Variants in KCNN3 observed in about 807,000 individuals in gnomAD.
The protein encoded by KCNN3 is potassium calcium-activated channel subfamily N member 3, also known as small conductance calcium-activated potassium channel protein 3.
A neutral mutation model predicts 62.9 loss-of-function variants in KCNN3; 16 were observed. That is an observed-to-expected ratio of 0.25 (90% CI 0.17 to 0.39). The LOEUF (loss-of-function observed/expected upper bound fraction) is 0.39, where lower values mean the gene tolerates loss of function less well. Among genes scored for constraint, KCNN3 ranks in the 10% least tolerant of loss-of-function variants. KCNN3 has a pLI of 1.00. For missense variants in KCNN3, 599 were observed against 949.4 expected, an observed-to-expected ratio of 0.63 and a Z score of 4.85; for synonymous variants, 370 against 389.2, an observed-to-expected ratio of 0.95 and a Z score of 0.58.
intron 1 of KCNN3, among the ~76,000 whole-genome samples, chr1:154,851,762 G>A (rs6682335): frequency 0.71 from 107,501 of 152,108 alleles, 39,547 homozygotes; most frequent in East Asian, 0.99. Flanking sequence ...CAGCCTCTCA[G>A]CGGGGCTCCC....
At chr1:154,737,813 C>T (rs1182216737) in intron 3 of KCNN3, among the ~76,000 whole-genome samples, 2 of 152,148 alleles carry the variant, frequency 1.3e-5, no homozygotes, top group Non-Finnish European at 2.9e-5. Context: ...CCCCCAGCTG[C>T]TCGGAGGCTG....
chr1:154,771,824 C>T, intron 3 of KCNN3, 151 bp downstream of exon 3: 1 of 804,554 alleles, frequency 1.2e-6, no homozygotes, highest in Middle Eastern at 2.2e-4. Context: ...AACCCCAACT[C>T]AGCACTCCCC....
chr1:154,728,485 T>A (rs1454480835), intron 4 of KCNN3, among the ~76,000 whole-genome samples: 1 of 152,014 alleles, frequency 6.6e-6, no homozygotes, highest in Non-Finnish European at 1.5e-5. Context: ...GGCAACCTAA[T>A]AAAGATGGGG....
At chr1:154,826,274 C>G (rs184560036) in intron 1 of KCNN3, among the ~76,000 whole-genome samples, 1 of 152,268 alleles carries the variant, frequency 6.6e-6, no homozygotes, top group Non-Finnish European at 1.5e-5. Context: ...AGAGCTGCCT[C>G]CATCCATGTG....
chr1:154,792,745 G>A (rs1649570958), intron 2 of KCNN3, among the ~76,000 whole-genome samples: 1 of 152,204 alleles, frequency 6.6e-6, no homozygotes, highest in Admixed American at 6.5e-5. Flanking sequence ...ACCTATTCAT[G>A]TGGGAGAGAA....
chr1:154,769,756 C>T (rs1353229684), intron 3 of KCNN3, among the ~76,000 whole-genome samples: 1 of 152,200 alleles, frequency 6.6e-6, no homozygotes, highest in Admixed American at 6.5e-5. Flanking sequence ...GACAACATGG[C>T]TTCCATCATT....
Position 154,869,067 on chromosome 1 carries a change from T to C in KCNN3, c.898A>G (p.Ile300Val). 6.2e-7 allele frequency: 1 copy of C among 1,614,126 alleles called. No homozygotes were observed. The highest frequency in any genetic ancestry group is 1.1e-5 in the South Asian group (1 of 91,076). The change falls in exon 1 of 8, where the codon ATA (isoleucine) becomes GTA (valine). Residue 300 changes from isoleucine to valine, a missense_variant. Around this residue, in one of 7 missense-constraint regions of KCNN3, gnomAD observed 288 missense variants for 557.4 expected, o/e 0.52. Transcript: ENST00000271915. This position sits in a 1 kb window ranked among gnomAD's most constrained non-coding sequence, Gnocchi z 6.1. ...FGMFGIVVMV[I>V]ETELSWGLYS... ...AAACCCCAAGAGAGCTCGGTCTCTA[T>C]CACCATAACAACAATTCCAAACATC...
chr1:154,818,134 A>G (rs1372771242), intron 2 of KCNN3, among the ~76,000 whole-genome samples: 4 of 152,204 alleles, frequency 2.6e-5, no homozygotes, highest in Non-Finnish European at 5.9e-5. Context: ...TCCCGGACAC[A>G]CTGGCCTGAG....
chr1:154,829,950 C>A (rs964383592), intron 1 of KCNN3, among the ~76,000 whole-genome samples: 1 of 152,096 alleles, frequency 6.6e-6, no homozygotes, highest in African/African-American at 2.4e-5. Flanking sequence ...GTTCTCACAC[C>A]CCCACCAGAG....
chr1:154,742,706 G>C, intron 3 of KCNN3, among the ~76,000 whole-genome samples: 1 of 152,202 alleles, frequency 6.6e-6, no homozygotes, highest in African/African-American at 2.4e-5. Context: ...CTGCTTCTTC[G>C]GGGAAGCAGG....
chr1:154,708,683 G>A (rs1051555780), intron 7 of KCNN3, among the ~76,000 whole-genome samples: 1 of 152,104 alleles, frequency 6.6e-6, no homozygotes, highest in Middle Eastern at 3.4e-3. Context: ...TAATTAGTAG[G>A]CCAGGGCTCA....
At chr1:154,755,614 G>T (rs1478019282) in intron 3 of KCNN3, among the ~76,000 whole-genome samples, 5 of 118,278 alleles carry the variant, frequency 4.2e-5, no homozygotes, top group Non-Finnish European at 7.2e-5. Context: ...GGGGAGGGAG[G>T]GAGGGAAGGA....
chr1:154,781,453 C>A (rs922712811), intron 2 of KCNN3, among the ~76,000 whole-genome samples: 1 of 152,144 alleles, frequency 6.6e-6, no homozygotes, highest in African/African-American at 2.4e-5. Flanking sequence ...TTTTCATGTA[C>A]GCCCAACATG....
At position 154,772,376 on chromosome 1, in the gene KCNN3, A is replaced by G. The variant is rs1131820; in HGVS notation, c.1047T>C (p.Asn349=). The G allele has an allele frequency of 0.74, 1,190,862 of 1,613,634 alleles. 442,919 individuals carry two copies. Among genetic ancestry groups the G allele is most frequent in the East Asian group, 0.98 (44,126 of 44,864 alleles). Residue 349 remains asparagine, a synonymous_variant, in exon 3 of 8, where the codon AAT becomes AAC. Coordinates refer to ENST00000271915, the MANE Select transcript of KCNN3 (RefSeq NM_002249.6). The surrounding 1 kb of genome is among the most constrained non-coding windows in gnomAD (Gnocchi z 5.6). ...TREVQLFVID[N]GADDWRIAMT... ...TGGCTATCCGCCAGTCATCCGCGCC[A>G]TTGTCGATCACGAAGAGCTGGTGGG...
At chr1:154,797,947 T>C (rs1649799860) in intron 2 of KCNN3, among the ~76,000 whole-genome samples, 2 of 152,234 alleles carry the variant, frequency 1.3e-5, no homozygotes, top group Non-Finnish European at 2.9e-5. Flanking sequence ...TGAGGCCTTC[T>C]CCAGCACTCT....
At chr1:154,859,779 C>T in intron 1 of KCNN3, 1 of 1,614,120 alleles carries the variant, frequency 6.2e-7, no homozygotes, top group Non-Finnish European at 8.5e-7. Flanking sequence ...CTGGTATCAG[C>T]AAGCTCTAAG....
intron 1 of KCNN3, among the ~76,000 whole-genome samples, chr1:154,842,667 C>T (rs1004999587): frequency 2.2e-5 from 3 of 138,308 alleles, no homozygotes; most frequent in African/African-American, 5.1e-5. Flanking sequence ...GAGCTTTCCC[C>T]GGCCCTCCCT....
In KCNN3 at chr1:154,703,236, C is replaced by G. The variant is rs1300896837; in HGVS notation, c.*4740G>C. On this transcript the variant is annotated 3_prime_UTR_variant, in exon 8 of 8. Coordinates refer to ENST00000271915, the MANE Select transcript of KCNN3 (RefSeq NM_002249.6). The stretch of plus-strand genomic sequence containing the variant: ...TTCTACTACCACAAGCAGACAGTTA[C>G]TATTGCGATCCCTGTAAACTCCTTT... 1 of 152,120 alleles carries G rather than the reference C, an allele frequency of 6.6e-6. No individual in the cohort carries two copies. The highest frequency in any genetic ancestry group is 1.5e-5 in the Non-Finnish European group (1 of 68,022). The allele number at this position is 152,120 out of a possible 1,614,324, so 9.4% of individuals were successfully genotyped here.
At position 154,708,228 on chromosome 1, in the gene KCNN3, C is replaced by T; in HGVS notation, c.1944G>A (p.Arg648=). The T allele has an allele frequency of 6.2e-7, 1 of 1,613,862 alleles. No individual in the cohort carries two copies. The highest frequency in any genetic ancestry group is 8.5e-7 in the Non-Finnish European group (1 of 1,179,968). Reference sequence around the variant, plus strand: ...CAATCTGCTTCTCCAGGTCTTCGCTCCGGTCATTGAGTTCTGTGATTAAGT... The same window carrying T: ...CAATCTGCTTCTCCAGGTCTTCGCTTCGGTCATTGAGTTCTGTGATTAAGT... ...MYDLITELND[R]SEDLEKQIGS... is the part of the protein sequence containing the mutation. The change falls in exon 8 of 8, where the codon CGG becomes CGA. Residue 648 remains arginine, a synonymous_variant. Transcript: ENST00000271915.
Sources: gnomAD v4.1 joint callset for allele counts (sites outside exome capture counted in the v4.1 genomes callset) on GRCh38, gnomAD v4.1.1 for gene constraint, gnomAD v4.1.1 regional missense constraint, Gnocchi (gnomAD v3.1) non-coding constraint, MANE v1.5 for transcripts, NCBI Gene and HGNC (gene_info 2026-07-23, HGNC 2026-07-21) for gene names.